Variants in CHD8 observed in about 807,000 individuals in gnomAD.
CHD8 encodes the protein chromodomain helicase DNA binding protein 8, also known as ATP-dependent chromatin remodeler CHD8.
In CHD8, 31 loss-of-function variants were observed where a neutral mutation model predicts 279.2. That is an observed-to-expected ratio of 0.11 (90% confidence interval 0.08 to 0.15). The LOEUF (loss-of-function observed/expected upper bound fraction) is 0.15. Ranked by LOEUF, CHD8 falls within the 10% of genes least tolerant of loss-of-function variation. The probability of loss-of-function intolerance (pLI) is 1.00; values close to 1 mark genes in which losing one functional copy is unlikely to be tolerated. For synonymous variants in CHD8, 1,081 were observed against 1,139.6 expected (o/e 0.95, Z 1.04); for missense variants, 2,146 against 3,230.5 (o/e 0.66, Z 8.14).
rs1888221975 is a variant in CHD8 at position 21,405,545 on chromosome 14, TAG to T, written c.3052-83_3052-82del. On this transcript the variant is annotated intron_variant, in intron 15 of 37. Coordinates refer to ENST00000646647, the MANE Select transcript of CHD8 (RefSeq NM_001170629.2). The surrounding 1 kb of genome is among the most constrained non-coding windows in gnomAD (Gnocchi z 4.2). ...ACATTATGTAGAAACATGGAAAAAT[TAG>T]AGTTTTCCACTATCTAAGAAATGTA... 3.9e-6 allele frequency: 6 copies of T among 1,529,986 alleles called. No individual in the cohort carries two copies. The highest frequency in any genetic ancestry group is 1.4e-5 in the African/African-American group (1 of 72,166). 94.8% of individuals were successfully genotyped at this position (1,529,986 alleles called of 1,614,324 possible). A position where few individuals can be genotyped will look rare whatever the true frequency, so the allele number is the denominator to read the frequency against.
rs142200597 is a variant in CHD8, at chr14:21,447,561, G to A, written c.-216+8471C>T. Among the ~76,000 whole-genome samples, 1,282 of 152,124 alleles carry A rather than the reference G, an allele frequency of 8.4e-3. 23 individuals are homozygous for A. Among genetic ancestry groups the A allele is most frequent in the African/African-American group, 0.029 (1,205 of 41,504 alleles). On this transcript the variant is annotated intron_variant, in intron 1 of 37. Coordinates refer to ENST00000646647, the MANE Select transcript of CHD8 (RefSeq NM_001170629.2). Reference sequence around the variant, plus strand: ...TAATTTTTGTATTTTTAGTAGAGACGGGGTTTAACCATATTGGTCAGGCTG... The same window carrying A: ...TAATTTTTGTATTTTTAGTAGAGACAGGGTTTAACCATATTGGTCAGGCTG...
intron 28 of CHD8, 34 bp from the exon 29 acceptor site, chr14:21,395,386 G>C (rs58514360): frequency 2.0e-6 from 3 of 1,519,102 alleles, no homozygotes; most frequent in East Asian, 4.6e-5. Context: ...AGGATGGAGC[G>C]GGGAGGGAAA....
chr14:21,404,668 C>A (rs1464492151), intron 16 of CHD8: 1 of 153,166 alleles, frequency 6.5e-6, no homozygotes, highest in East Asian at 1.9e-4. Context: ...GATCTTCCTG[C>A]CTCAGCCTCC....
At chr14:21,437,176 G>A in intron 1 of CHD8, 4 of 1,147,970 alleles carry the variant, frequency 3.5e-6, no homozygotes, top group Non-Finnish European at 4.4e-6. Flanking sequence ...CCCCAGTGGA[G>A]GAGAGAGGTG....
intron 5 of CHD8, among the ~76,000 whole-genome samples, chr14:21,423,368 A>C (rs139912425): frequency 2.0e-5 from 3 of 152,346 alleles, no homozygotes; most frequent in African/African-American, 7.2e-5. Context: ...AGTGAGAGAA[A>C]GCAAGAGAGG....
At chr14:21,435,443 T>A (rs1212344745) in intron 1 of CHD8, among the ~76,000 whole-genome samples, 1 of 152,252 alleles carries the variant, frequency 6.6e-6, no homozygotes, top group Non-Finnish European at 1.5e-5. Flanking sequence ...CCACCTTTAA[T>A]ACAGTTCTTG....
intron 5 of CHD8, among the ~76,000 whole-genome samples, chr14:21,417,712 G>C (rs1054094021): frequency 6.6e-6 from 1 of 151,756 alleles, no homozygotes; most frequent in African/African-American, 2.4e-5. Context: ...AAATTAGCCA[G>C]GTGTGGTGGC....
At chr14:21,452,193 A>C (rs1890272850) in intron 1 of CHD8, among the ~76,000 whole-genome samples, 1 of 152,102 alleles carries the variant, frequency 6.6e-6, no homozygotes, top group Non-Finnish European at 1.5e-5. Flanking sequence ...GGACCACGCC[A>C]CCACGCCCAG....
chr14:21,445,995 T>C (rs970636617), intron 1 of CHD8, among the ~76,000 whole-genome samples: 3 of 149,302 alleles, frequency 2.0e-5, no homozygotes, highest in African/African-American at 7.5e-5. Flanking sequence ...CGAGACTCCG[T>C]CTCAAAAAAA....
rs886924942 is a variant in CHD8 at position 21,401,288 on chromosome 14, T to C, written c.4173+115A>G. Reference sequence around the variant, plus strand: ...TAGAAAGTATCCACAACAGCCCTTGTATACAATACACCATCATAAATCACA... The same window carrying C: ...TAGAAAGTATCCACAACAGCCCTTGCATACAATACACCATCATAAATCACA... On this transcript the variant is annotated intron_variant, in intron 21 of 37. Transcript: ENST00000646647. 89 of 763,166 alleles carry C rather than the reference T, an allele frequency of 1.2e-4. 1 individual carries two copies. In the African/African-American group the frequency reaches 1.5e-3, roughly 13 times the overall value. The allele number at this position is 763,166 out of a possible 1,614,324, so 47.3% of individuals were successfully genotyped here.
Position 21,403,303 on chromosome 14 carries a change from T to G in CHD8, c.3519-91A>C. On this transcript the variant is annotated intron_variant, in intron 17 of 37. Transcript: ENST00000646647. This position sits in a 1 kb window ranked among gnomAD's most constrained non-coding sequence, Gnocchi z 4.3. ...TAGGATCAATACCAGTACTCCCATATCAAAGCTGGTCAAAAACCCAAGTTG... is the reference window on the plus strand; with the variant it reads ...TAGGATCAATACCAGTACTCCCATAGCAAAGCTGGTCAAAAACCCAAGTTG... 7.4e-7 allele frequency: 1 copy of G among 1,344,098 alleles called. No homozygotes were observed. Among genetic ancestry groups the G allele is most frequent in the South Asian group, 1.4e-5 (1 of 74,060 alleles). The allele number at this position is 1,344,098 out of a possible 1,614,324, so 83.3% of individuals were successfully genotyped here.
intron 1 of CHD8, among the ~76,000 whole-genome samples, chr14:21,450,239 AT>A (rs1275082645): frequency 1.3e-5 from 2 of 152,224 alleles, no homozygotes; most frequent in African/African-American, 4.8e-5. Context: ...CATACACGAA[AT>A]TCTGTTATGA....
intron 21 of CHD8, 117 bp downstream of exon 21, chr14:21,401,286 T>C: frequency 1.3e-6 from 1 of 762,732 alleles, no homozygotes; most frequent in South Asian, 1.9e-5. Context: ...CAACAGCCCT[T>C]GTATACAATA....
intron 1 of CHD8, chr14:21,437,005 G>A: frequency 7.8e-7 from 1 of 1,281,244 alleles, no homozygotes; most frequent in East Asian, 5.6e-5. Flanking sequence ...ATGCACTTGA[G>A]GTAAGGAGCT....
rs1291969423 is a variant in CHD8 at position 21,391,067 on chromosome 14, C to G, written c.7066-4G>C. On this transcript the variant is annotated splice_polypyrimidine_tract_variant and splice_region_variant and intron_variant, in intron 36 of 37. Transcript: ENST00000646647. ...GTTTTCTGCGATCCTCCATATACTG[C>G]AATAGAAAAAATCAGTTATCCTAGA... The G allele has an allele frequency of 6.6e-7, 1 of 1,523,286 alleles. No individual in the cohort carries two copies. Among genetic ancestry groups the G allele is most frequent in the Non-Finnish European group, 9.0e-7 (1 of 1,114,128 alleles). 94.4% of individuals were successfully genotyped at this position (1,523,286 alleles called of 1,614,324 possible).
chr14:21,391,759 C>A, intron 35 of CHD8, 74 bp downstream of exon 35: 1 of 1,519,538 alleles, frequency 6.6e-7, no homozygotes, highest in Non-Finnish European at 9.1e-7. Context: ...TCCCCCAGTC[C>A]CACTGCCTTC....
rs148494847 is a variant in CHD8, at chr14:21,393,676, T to C, written c.6119A>G (p.Asp2040Gly). 912 of 1,613,896 alleles carry C rather than the reference T, an allele frequency of 5.7e-4. 10 individuals carry two copies. In the East Asian group the frequency reaches 0.016, roughly 27 times the overall value. The change falls in exon 32 of 38, where the codon GAC (aspartate) becomes GGC (glycine). Residue 2040 changes from aspartate (D) to glycine (G), a missense_variant. Asp to Gly is a moderately conservative substitution (Grantham distance 94). Coordinates refer to ENST00000646647, the MANE Select transcript of CHD8 (RefSeq NM_001170629.2). ...AGAGGGGGATACTCGCATCTCATAG[T>C]CTTGTGGGGTTGGTCGGCTCCTGGC... is the stretch of plus-strand genomic sequence containing the variant. ...VVARSRPTPQDYEMRVSPSDT... is the reference protein window; with the variant it reads ...VVARSRPTPQGYEMRVSPSDT...
Position 21,394,981 on chromosome 14 carries a change from T to G in CHD8, c.5321A>C (p.Asp1774Ala), listed in dbSNP as rs1246142965. The G allele has an allele frequency of 1.2e-6, 2 of 1,613,898 alleles. No homozygotes were observed. Among genetic ancestry groups the G allele is most frequent in the Non-Finnish European group, 1.7e-6 (2 of 1,179,900 alleles). Residue 1774 changes from aspartate to alanine, a missense_variant, in exon 30 of 38, where the codon GAC (aspartate) becomes GCC (alanine). By Grantham distance (126) the Asp-to-Ala change is moderately radical. This residue lies in a region of CHD8 where 513 missense variants were observed against 637.6 expected (regional missense o/e 0.80). Transcript: ENST00000646647. Reference protein sequence around the residue: ...QMKIEAAERGDRRRRRCEAAF... With the variant: ...QMKIEAAERGARRRRRCEAAF... ...TGCTTCACAACGCCGCCTTCGCCGGTCCCCACGTTCTGCAGCCTCTATCTT... is the reference window on the plus strand; with the variant it reads ...TGCTTCACAACGCCGCCTTCGCCGGGCCCCACGTTCTGCAGCCTCTATCTT...
At position 21,388,976 on chromosome 14, in the gene CHD8, C is replaced by T. The variant is rs151229771; in HGVS notation, c.7182+1971G>A. On this transcript the variant is annotated intron_variant, in intron 37 of 37. Transcript: ENST00000646647. ...TAATCCATTTTAAATGACTCTATGT[C>T]ATTTAAAACAATGATTTATGTATGC... 8.6e-4 allele frequency among the ~76,000 whole-genome samples: 131 copies of T among 152,156 alleles called. 1 individual carries two copies. The highest frequency in any genetic ancestry group is 3.1e-3 in the African/African-American group (127 of 41,524).
Sources: gnomAD v4.1 joint callset for allele counts (sites outside exome capture counted in the v4.1 genomes callset) on GRCh38, gnomAD v4.1.1 for gene constraint, gnomAD v4.1.1 regional missense constraint, Gnocchi (gnomAD v3.1) non-coding constraint, MANE v1.5 for transcripts, NCBI Gene and HGNC (gene_info 2026-07-23, HGNC 2026-07-21) for gene names.